The following WDR90 variants were observed in gnomAD, a reference collection of about 807,000 sequenced individuals.
WDR90 encodes the protein WD repeat-containing protein 90.
In WDR90, 238 loss-of-function variants were observed where a neutral mutation model predicts 195.2. The ratio of observed to expected loss-of-function variants is 1.22; its 90% CI spans 1.10 to 1.36. The LOEUF (loss-of-function observed/expected upper bound fraction) is 1.36, where lower values mean the gene tolerates loss of function less well. WDR90 is among the 40% of genes most tolerant of loss of function. The pLI is 0.00. For missense variants in WDR90, 2,734 were observed against 2,439.5 expected (o/e 1.12, Z -2.54); for synonymous variants, 1,265 against 1,052.4 (o/e 1.20, Z -3.91).
intron 32 of WDR90, 37 bp from the exon 33 acceptor site, chr16:662,183 G>A (rs1477385181): frequency 1.3e-6 from 2 of 1,517,632 alleles, no homozygotes; most frequent in Non-Finnish European, 1.8e-6. Context: ...CCTCTGGGAA[G>A]GCAGCCGTGG....
In WDR90 at chr16:650,675, G is replaced by C; in HGVS notation, c.525G>C (p.Arg175Ser). The stretch of plus-strand genomic sequence containing the variant: ...GGCTGTGCGCCAGCCTGCTGGTCAG[G>C]AACCTGTACACCAGTGACCTGTGCT... Reference protein sequence around the residue: ...SIRLCASLLVRNLYTSDLCFE... With the variant: ...SIRLCASLLVSNLYTSDLCFE... The change falls in exon 5 of 41, where the codon AGG becomes AGC. Residue 175 changes from arginine to serine, a missense_variant. By Grantham distance (110) the Arg-to-Ser change is moderately radical (BLOSUM62 -1). Transcript: ENST00000293879. 1 of 1,612,496 alleles carries C rather than the reference G, an allele frequency of 6.2e-7. No individual in the cohort carries two copies. Among genetic ancestry groups the C allele is most frequent in the Non-Finnish European group, 8.5e-7 (1 of 1,179,706 alleles).
At chr16:663,175 T>A in intron 34 of WDR90, 1 of 407,304 alleles carries the variant, frequency 2.5e-6, no homozygotes, top group Non-Finnish European at 4.9e-6. Flanking sequence ...TGGTGGTTCA[T>A]GCCTGTGATC....
chr16:666,880 G>A, intron 39 of WDR90, 25 bp from the exon 40 acceptor site: 1 of 1,613,064 alleles, frequency 6.2e-7, no homozygotes, highest in East Asian at 2.2e-5. Flanking sequence ...CCACAGGCCT[G>A]GAGCCTCACG....
rs752149144 is a variant in WDR90 at position 666,606 on chromosome 16, A to G, written c.4884+8A>G. ...ATGCCTGCCACCACGGAGGTAAACC[A>G]TGCTCCTGGCACTGTGGGTGGGGCC... is the stretch of plus-strand genomic sequence containing the variant. On this transcript the variant is annotated splice_region_variant and intron_variant, in intron 38 of 40. Coordinates refer to ENST00000293879, the MANE Select transcript of WDR90 (RefSeq NM_145294.5). The G allele has an allele frequency of 1.2e-6, 2 of 1,612,272 alleles. No homozygotes were observed. The highest frequency in any genetic ancestry group is 1.7e-6 in the Non-Finnish European group (2 of 1,179,686).
intron 19 of WDR90, 96 bp from the exon 20 acceptor site, chr16:656,995 G>A: frequency 6.4e-7 from 1 of 1,558,866 alleles, no homozygotes; most frequent in South Asian, 1.2e-5. Flanking sequence ...GCCCCATGGG[G>A]ACTTCCATGG....
In WDR90 at chr16:650,101, C is replaced by A; in HGVS notation, c.213C>A (p.Tyr71Ter). ...AGTCTCTGGGGCTGACGGGACGATA[C>A]CTGTATGTGCTCTTTCGGCCCCTGC... The part of the protein sequence containing the change: ...STQSLGLTGR[Y>*]LYVLFRPLPS... Residue 71 changes from tyrosine (Y) to a stop codon, truncating the protein, a stop_gained, in exon 3 of 41, where the codon TAC becomes TAA. Coordinates refer to ENST00000293879, the MANE Select transcript of WDR90 (RefSeq NM_145294.5). LOFTEE classifies it high-confidence loss of function. 3 of 1,613,102 alleles carry A rather than the reference C, an allele frequency of 1.9e-6. No homozygotes were observed. The highest frequency in any genetic ancestry group is 2.5e-6 in the Non-Finnish European group (3 of 1,179,984).
chr16:651,452 A>AC (rs2037645385), intron 7 of WDR90, among the ~76,000 whole-genome samples, 186 bp downstream of exon 7: 2 of 152,008 alleles, frequency 1.3e-5, no homozygotes, highest in Admixed American at 1.3e-4. Flanking sequence ...TGTGAGGGGT[A>AC]CCCGGGGGCC....
chr16:653,744 A>G lies in WDR90; in HGVS notation c.1380-2A>G. 6.2e-7 allele frequency: 1 copy of G among 1,613,292 alleles called. No homozygotes were observed. The highest frequency in any genetic ancestry group is 8.5e-7 in the Non-Finnish European group (1 of 1,179,994). ...CAATGACCACCTCCTCCCTGTTCAC[A>G]GCTTCTCTGACAGCGGGGCCCTTCT... On this transcript the variant is annotated splice_acceptor_variant, in intron 12 of 40. Coordinates refer to ENST00000293879, the MANE Select transcript of WDR90 (RefSeq NM_145294.5). LOFTEE classifies it high-confidence loss of function.
chr16:653,331 C>G lies in WDR90; in HGVS notation c.1123-10C>G. ...GCACCGGTCCTCAGCCCCCCGCCCC[C>G]TTGTGCCAGGCCCTGTGGACCCCAG... On this transcript the variant is annotated splice_polypyrimidine_tract_variant and intron_variant, in intron 10 of 40. Transcript: ENST00000293879. 3 of 1,524,348 alleles carry G rather than the reference C, an allele frequency of 2.0e-6. No individual in the cohort carries two copies. Among genetic ancestry groups the G allele is most frequent in the Non-Finnish European group, 1.8e-6 (2 of 1,137,000 alleles). 94.4% of individuals were successfully genotyped at this position (1,524,348 alleles called of 1,614,324 possible).
In WDR90 at chr16:665,762, C is replaced by A; in HGVS notation, c.4395C>A (p.Ala1465=). 6.2e-7 allele frequency: 1 copy of A among 1,602,106 alleles called. No individual in the cohort carries two copies. Among genetic ancestry groups the A allele is most frequent in the Non-Finnish European group, 8.5e-7 (1 of 1,172,116 alleles). ...GGAGTGTGCGGGTGTGGGCCTTGGC[C>A]AGCATGGAGCTTGTGATCCAGTTCC... ...EDGSVRVWAL[A]SMELVIQFQV... The change falls in exon 35 of 41, where the codon GCC becomes GCA. Residue 1465 remains alanine, a synonymous_variant. Transcript: ENST00000293879.
intron 9 of WDR90, 188 bp from the exon 10 acceptor site, chr16:652,279 T>G (rs1489691351): frequency 1.2e-6 from 1 of 815,990 alleles, no homozygotes; most frequent in Non-Finnish European, 1.9e-6. Context: ...TGGGGGACCC[T>G]CGAAGGTCTG....
In WDR90 at chr16:661,512, G is replaced by A; in HGVS notation, c.3673+11G>A. 1.6e-5 allele frequency: 25 copies of A among 1,594,448 alleles called. No individual in the cohort carries two copies. Among genetic ancestry groups the A allele is most frequent in the South Asian group, 4.4e-5 (4 of 89,938 alleles). The stretch of plus-strand genomic sequence containing the variant: ...TTCTTGTCACACTGGGTCAGTGGGA[G>A]GGAGGGTGGAGGCCAGGGGCTTCCC... On this transcript the variant is annotated intron_variant, in intron 30 of 40. Coordinates refer to ENST00000293879, the MANE Select transcript of WDR90 (RefSeq NM_145294.5).
chr16:662,787 G>T lies in WDR90; in HGVS notation c.4254G>T (p.Trp1418Cys). 6.2e-7 allele frequency: 1 copy of T among 1,606,386 alleles called. No homozygotes were observed. The part of the protein sequence containing the change: ...GVVGTTAGTL[W>C]FVSWAEGTST... ...TGGGCACCACGGCGGGCACGCTGTG[G>T]TTTGTCAGCTGGGCCGAGGGCACCA... The change falls in exon 34 of 41, where the codon TGG (tryptophan) becomes TGT (cysteine). Residue 1418 changes from tryptophan to cysteine, a missense_variant. Physicochemically the swap from Trp to Cys is radical, Grantham distance 215. Coordinates refer to ENST00000293879, the MANE Select transcript of WDR90 (RefSeq NM_145294.5).
rs1193167138 is a variant in WDR90 at position 656,446 on chromosome 16, T to C, written c.2111T>C (p.Leu704Ser). 11 of 1,601,114 alleles carry C rather than the reference T, an allele frequency of 6.9e-6. No homozygotes were observed. In the Admixed American group the frequency reaches 1.2e-4, roughly 17 times the overall value. ...MLARSHTAPV[L>S]ALAMEQRRGQ... is the part of the protein sequence containing the mutation. ...GCTCGCTCCCACACCGCCCCGGTGTTGGCCCTCGCCATGGAGCAGAGGCGG... is the reference window on the plus strand; with the variant it reads ...GCTCGCTCCCACACCGCCCCGGTGTCGGCCCTCGCCATGGAGCAGAGGCGG... Residue 704 changes from leucine (L) to serine (S), a missense_variant, in exon 18 of 41, where the codon TTG (leucine) becomes TCG (serine). Leu to Ser is a moderately radical substitution (Grantham distance 145). Transcript: ENST00000293879.
intron 23 of WDR90, 103 bp downstream of exon 23, chr16:658,756 A>G: frequency 6.4e-7 from 1 of 1,553,948 alleles, no homozygotes; most frequent in Non-Finnish European, 8.7e-7. Context: ...GCAGAAGGTG[A>G]GGGGTGAGAG....
rs2151402153 is a variant in WDR90, at chr16:666,560, G to A, written c.4846G>A (p.Val1616Met). The change falls in exon 38 of 41, where the codon GTG becomes ATG. Residue 1616 changes from valine to methionine, a missense_variant. By Grantham distance (21) the Val-to-Met change is conservative. Coordinates refer to ENST00000293879, the MANE Select transcript of WDR90 (RefSeq NM_145294.5). ...SDWLRNHCEL[V>M]DWLSFPMPAT... ...CTGGCTGCGGAACCACTGTGAGCTT[G>A]TGGACTGGTTGAGTTTCCCAATGCC... The A allele has an allele frequency of 6.2e-7, 1 of 1,612,766 alleles. No homozygotes were observed. The highest frequency in any genetic ancestry group is 8.5e-7 in the Non-Finnish European group (1 of 1,179,956).
At position 660,610 on chromosome 16, in the gene WDR90, A is replaced by G. The variant is rs895268417; in HGVS notation, c.3289-2A>G. The G allele has an allele frequency of 5.1e-6, 8 of 1,562,776 alleles. No homozygotes were observed. The highest frequency in any genetic ancestry group is 5.2e-6 in the Non-Finnish European group (6 of 1,154,360). ...GCAGCATCCGGGTCTCCTTCCTCGCAGGGCACTTGCCCGCCTCCCGCCAGC... is the reference window on the plus strand; with the variant it reads ...GCAGCATCCGGGTCTCCTTCCTCGCGGGGCACTTGCCCGCCTCCCGCCAGC... On this transcript the variant is annotated splice_acceptor_variant, in intron 27 of 40. Transcript: ENST00000293879. LOFTEE classifies it high-confidence loss of function.
Position 650,177 on chromosome 16 carries a change from C to T in WDR90, c.279+10C>T. 1 of 1,611,522 alleles carries T rather than the reference C, an allele frequency of 6.2e-7. No homozygotes were observed. The highest frequency in any genetic ancestry group is 8.5e-7 in the Non-Finnish European group (1 of 1,178,808). On this transcript the variant is annotated intron_variant, in intron 3 of 40. Transcript: ENST00000293879. ...CGATGTGTCCTCCAAGGTACGGAGCCCGCGGCTGGGGGCTGCGTGGGAGCC... is the reference window on the plus strand; with the variant it reads ...CGATGTGTCCTCCAAGGTACGGAGCTCGCGGCTGGGGGCTGCGTGGGAGCC...
In WDR90 at chr16:659,350, GT is replaced by G; in HGVS notation, c.3159del (p.Cys1053TrpfsTer58). 2 of 1,594,248 alleles carry G rather than the reference GT, an allele frequency of 1.3e-6. No homozygotes were observed. Among genetic ancestry groups the G allele is most frequent in the Non-Finnish European group, 1.7e-6 (2 of 1,171,512 alleles). ...CQASPPRLGV[C>X]ARPPEGGDGA... ...GCATCTCCACCACGGCTGGGCGTCT[GT>G]GCCAGGCCTCCCGAAGGTGGCGATG... On this transcript the variant is annotated frameshift_variant, in exon 26 of 41. Transcript: ENST00000293879. LOFTEE classifies it high-confidence loss of function.
Sources: gnomAD v4.1 joint callset for allele counts (sites outside exome capture counted in the v4.1 genomes callset) on GRCh38, gnomAD v4.1.1 for gene constraint, MANE v1.5 for transcripts, NCBI Gene and HGNC (gene_info 2026-07-23, HGNC 2026-07-21) for gene names.